KCNQ2: variants seen among roughly 807,000 people sequenced by gnomAD.
KCNQ2 encodes the protein potassium voltage-gated channel subfamily KQT member 2.
KCNQ2 carries 14 observed loss-of-function variants against 84.8 expected under a neutral mutation model. That is an observed-to-expected ratio of 0.17 (90% CI 0.11 to 0.26). KCNQ2 has a LOEUF of 0.26. Ranked by LOEUF, KCNQ2 falls within the 10% of genes least tolerant of loss-of-function variation. The pLI, the probability that KCNQ2 is intolerant of heterozygous loss-of-function variation, is 1.00. For missense variants in KCNQ2, 788 were observed against 1,254.0 expected, an observed-to-expected ratio of 0.63 and a Z score of 5.61; for synonymous variants, 599 against 554.1, an observed-to-expected ratio of 1.08 and a Z score of -1.14.
In KCNQ2 at chr20:63,403,049, C is replaced by T. The variant is rs1411629345; in HGVS notation, c.*3595G>A. 1.3e-5 allele frequency: 2 copies of T among 152,288 alleles called. No individual in the cohort carries two copies. Among genetic ancestry groups the T allele is most frequent in the African/African-American group, 4.8e-5 (2 of 41,454 alleles). 9.4% of individuals were successfully genotyped at this position (152,288 alleles called of 1,614,324 possible). On this transcript the variant is annotated 3_prime_UTR_variant, in exon 17 of 17. Coordinates refer to ENST00000359125, the MANE Select transcript of KCNQ2 (RefSeq NM_172107.4). Reference sequence around the variant, plus strand: ...GCTGAGCCACCCATCCCAGGAGGGCCCAGCACCTCCAGGGCAGACCAAACA... The same window carrying T: ...GCTGAGCCACCCATCCCAGGAGGGCTCAGCACCTCCAGGGCAGACCAAACA...
Position 63,445,235 on chromosome 20 carries a change from C to T in KCNQ2, c.514+3G>A. The T allele has an allele frequency of 6.2e-7, 1 of 1,613,928 alleles. No individual in the cohort carries two copies. The highest frequency in any genetic ancestry group is 1.1e-5 in the South Asian group (1 of 91,088). Reference sequence around the variant, plus strand: ...TAGCAATACCACCCCCACCAGGCCTCACCAATCACACAGAACGGTTTCCGG... The same window carrying T: ...TAGCAATACCACCCCCACCAGGCCTTACCAATCACACAGAACGGTTTCCGG... On this transcript the variant is annotated splice_donor_region_variant and intron_variant, in intron 3 of 16. Transcript: ENST00000359125.
intron 12 of KCNQ2, among the ~76,000 whole-genome samples, chr20:63,417,941 G>C (rs796695664): frequency 1.3e-5 from 2 of 151,996 alleles, no homozygotes; most frequent in Non-Finnish European, 2.9e-5. Flanking sequence ...TGGCCTCGGC[G>C]CGGCCCTGCT....
At position 63,468,749 on chromosome 20, in the gene KCNQ2, G is replaced by A. The variant is rs377180461; in HGVS notation, c.296+3419C>T. 1.4e-3 allele frequency among the ~76,000 whole-genome samples: 210 copies of A among 152,318 alleles called. 4 individuals carry two copies. The South Asian group carries it at 0.04, about 29-fold the overall frequency. On this transcript the variant is annotated intron_variant, in intron 1 of 16. Transcript: ENST00000359125. ...CGAGCCCCAGGGACAGGCCCTCCCC[G>A]GTGCCAGATTTCCCATCTGGCCTAT...
At chr20:63,412,218 T>G in intron 15 of KCNQ2, 1 of 265,654 alleles carries the variant, frequency 3.8e-6, no homozygotes. Flanking sequence ...AAACGCATTG[T>G]CAGGAGCCGG....
At chr20:63,432,741 G>A (rs1477197775) in intron 8 of KCNQ2, among the ~76,000 whole-genome samples, 1 of 125,826 alleles carries the variant, frequency 7.9e-6, no homozygotes, top group African/African-American at 2.7e-5. Context: ...CACCCTCAGG[G>A]AAGGCTCCAC....
intron 1 of KCNQ2, among the ~76,000 whole-genome samples, chr20:63,456,489 C>T (rs1234300390): frequency 1.3e-5 from 2 of 152,116 alleles, no homozygotes; most frequent in Non-Finnish European, 2.9e-5. Flanking sequence ...AAACGGAACA[C>T]GTGAAGGATG....
In KCNQ2 at chr20:63,407,655, G is replaced by A. The variant is rs553399432; in HGVS notation, c.1888-280C>T. 6.6e-6 allele frequency among the ~76,000 whole-genome samples: 1 copy of A among 151,626 alleles called. No individual in the cohort carries two copies. The highest frequency in any genetic ancestry group is 2.4e-5 in the African/African-American group (1 of 41,366). ...CAGGCTAGTCCCAGGAAATGGGGGG[G>A]ACCCAGGCTGGTCCTAGGAGATGGG... On this transcript the variant is annotated intron_variant, in intron 16 of 16. Transcript: ENST00000359125. This position sits in a 1 kb window ranked among gnomAD's most constrained non-coding sequence, Gnocchi z 7.2.
At position 63,415,218 on chromosome 20, in the gene KCNQ2, C is replaced by T. The variant is rs150111457; in HGVS notation, c.1302-92G>A. 8.0e-3 allele frequency: 9,390 copies of T among 1,167,200 alleles called. 64 individuals carry two copies. Among genetic ancestry groups the T allele is most frequent in the Middle Eastern group, 0.02 (106 of 5,256 alleles). 72.3% of individuals were successfully genotyped at this position (1,167,200 alleles called of 1,614,324 possible). A position where few individuals can be genotyped will look rare whatever the true frequency, so the allele number is the denominator to read the frequency against. On this transcript the variant is annotated intron_variant, in intron 12 of 16. Coordinates refer to ENST00000359125, the MANE Select transcript of KCNQ2 (RefSeq NM_172107.4). Reference sequence around the variant, plus strand: ...GGCCGTGTCTGCTCATGGCCGACGCCGCCCATGCGCCGGAGGGAGACACAG... The same window carrying T: ...GGCCGTGTCTGCTCATGGCCGACGCTGCCCATGCGCCGGAGGGAGACACAG...
chr20:63,445,137 G>C lies in KCNQ2; in HGVS notation c.514+101C>G, dbSNP rs1234414033. ...TTCCAGAAGGAGCCAGTCCTGCCCA[G>C]CCTCTCTGGCCCACGCAGACGCCCC... On this transcript the variant is annotated intron_variant, in intron 3 of 16. Transcript: ENST00000359125. The C allele has an allele frequency of 2.7e-5, 41 of 1,517,772 alleles. 1 individual carries two copies. The highest frequency in any genetic ancestry group is 3.4e-4 in the Middle Eastern group (2 of 5,896). The allele number at this position is 1,517,772 out of a possible 1,614,324, so 94.0% of individuals were successfully genotyped here. A position where few individuals can be genotyped will look rare whatever the true frequency, so the allele number is the denominator to read the frequency against.
chr20:63,413,728 G>T, intron 14 of KCNQ2, 147 bp from the exon 15 acceptor site: 2 of 946,494 alleles, frequency 2.1e-6, no homozygotes, highest in Non-Finnish European at 3.3e-6. Flanking sequence ...TCCACACACA[G>T]AAGGGCCTTT....
At chr20:63,451,978 C>T (rs557377228) in intron 1 of KCNQ2, among the ~76,000 whole-genome samples, 12 of 152,252 alleles carry the variant, frequency 7.9e-5, no homozygotes, top group Non-Finnish European at 1.8e-4. Flanking sequence ...TTCAGAAGCA[C>T]CCGGGACCAC....
At chr20:63,424,428 G>A (rs1229229841) in intron 10 of KCNQ2, 2 of 596,292 alleles carry the variant, frequency 3.4e-6, no homozygotes, top group African/African-American at 1.9e-5. Flanking sequence ...AGAGGGAAGA[G>A]GGACTCCATG....
chr20:63,409,126 G>T (rs551291168), intron 15 of KCNQ2, among the ~76,000 whole-genome samples: 1 of 152,388 alleles, frequency 6.6e-6, no homozygotes, highest in African/African-American at 2.4e-5. Flanking sequence ...CCAGGACAAG[G>T]AGAGAAGGCC....
At chr20:63,462,709 C>T (rs1322503212) in intron 1 of KCNQ2, among the ~76,000 whole-genome samples, 1 of 152,230 alleles carries the variant, frequency 6.6e-6, no homozygotes, top group Non-Finnish European at 1.5e-5. Flanking sequence ...GTGCATGGAG[C>T]CCCACGCAGC....
chr20:63,421,624 A>G (rs2080472755), intron 11 of KCNQ2, among the ~76,000 whole-genome samples: 1 of 152,152 alleles, frequency 6.6e-6, no homozygotes, highest in Non-Finnish European at 1.5e-5. Flanking sequence ...ACCCGACAGG[A>G]CAGACATGCA....
chr20:63,410,425 T>C (rs1020036393), intron 15 of KCNQ2, among the ~76,000 whole-genome samples: 20 of 152,228 alleles, frequency 1.3e-4, no homozygotes, highest in African/African-American at 3.6e-4. Context: ...TCCAACTGTC[T>C]CCCTGGCCCC....
chr20:63,469,121 T>G (rs1453100235), intron 1 of KCNQ2, among the ~76,000 whole-genome samples: 4 of 152,202 alleles, frequency 2.6e-5, no homozygotes, highest in Non-Finnish European at 5.9e-5. Context: ...GCAGATGGGC[T>G]GCAGGAGAGA....
chr20:63,406,205 T>A lies in KCNQ2; in HGVS notation c.*439A>T. 1 of 165,240 alleles carries A rather than the reference T, an allele frequency of 6.1e-6. No individual in the cohort carries two copies. The highest frequency in any genetic ancestry group is 1.3e-5 in the Non-Finnish European group (1 of 76,018). The allele number at this position is 165,240 out of a possible 1,614,324, so 10.2% of individuals were successfully genotyped here. ...CCCCACCGGGACCCAAGGCCGCAGG[T>A]CCTCACCAAACAGGCCCGCCCTTTG... On this transcript the variant is annotated 3_prime_UTR_variant, in exon 17 of 17. Coordinates refer to ENST00000359125, the MANE Select transcript of KCNQ2 (RefSeq NM_172107.4).
intron 4 of KCNQ2, among the ~76,000 whole-genome samples, chr20:63,442,911 T>TCACCAC (rs2081249751): frequency 2.5e-4 from 1 of 3,996 alleles, no homozygotes; most frequent in Non-Finnish European, 5.1e-4. Context: ...ACCACCACCA[T>TCACCAC]CACCATCACC....
Sources: gnomAD v4.1 joint callset for allele counts (sites outside exome capture counted in the v4.1 genomes callset) on GRCh38, gnomAD v4.1.1 for gene constraint, Gnocchi (gnomAD v3.1) non-coding constraint, MANE v1.5 for transcripts, NCBI Gene and HGNC (gene_info 2026-07-23, HGNC 2026-07-21) for gene names.